Variants in KIF14 observed in about 807,000 individuals in gnomAD.
The protein encoded by KIF14 is kinesin family member 14, also known as kinesin-like protein KIF14.
In KIF14, 98 loss-of-function variants were observed where a neutral mutation model predicts 176.2. The observed-to-expected ratio is 0.56, with a 90% CI of 0.47 to 0.66. The LOEUF (loss-of-function observed/expected upper bound fraction) is 0.66, where lower values mean the gene tolerates loss of function less well. KIF14 is among the 30% of genes least tolerant of loss of function. The pLI is 0.00. For missense variants in KIF14, 1,751 were observed against 1,920.4 expected (o/e 0.91, Z 1.65); for synonymous variants, 566 against 632.2 (o/e 0.90, Z 1.57).
chr1:200,591,610 G>A (rs1183524916), intron 16 of KIF14, among the ~76,000 whole-genome samples: 1 of 152,170 alleles, frequency 6.6e-6, no homozygotes, highest in Non-Finnish European at 1.5e-5. Flanking sequence ...GGCACAAGAA[G>A]AAAAGAAAAA....
chr1:200,566,786 G>A (rs1393512746), intron 23 of KIF14, among the ~76,000 whole-genome samples: 1 of 151,976 alleles, frequency 6.6e-6, no homozygotes, highest in Non-Finnish European at 1.5e-5. Flanking sequence ...TTTCCCTAAA[G>A]AACTGTAATT....
chr1:200,580,371 TG>T lies in KIF14; in HGVS notation c.3347del (p.Ser1116Ter). ...TAGAAGTGTCAGAACTACTTTTATC[TG>T]ATATATCATGTCTGAAAGAAAAATA... ...TYYVFGRHDI[S>X]DKSSSDTSIR... On this transcript the variant is annotated frameshift_variant, in exon 21 of 30. Transcript: ENST00000367350. LOFTEE classifies it high-confidence loss of function. 6.7e-7 allele frequency: 1 copy of T among 1,488,918 alleles called. No homozygotes were observed. Among genetic ancestry groups the T allele is most frequent in the Non-Finnish European group, 9.0e-7 (1 of 1,114,760 alleles). 92.2% of individuals were successfully genotyped at this position (1,488,918 alleles called of 1,614,324 possible). A position where few individuals can be genotyped will look rare whatever the true frequency, so the allele number is the denominator to read the frequency against.
intron 26 of KIF14, among the ~76,000 whole-genome samples, chr1:200,560,190 C>T (rs1306400125): frequency 6.6e-6 from 1 of 152,212 alleles, no homozygotes; most frequent in Non-Finnish European, 1.5e-5. Flanking sequence ...CGGTGGATGA[C>T]TAGCATCAAA....
At chr1:200,580,485 A>G (rs1310792114) in intron 20 of KIF14, 102 bp from the exon 21 acceptor site, 2 of 556,468 alleles carry the variant, frequency 3.6e-6, no homozygotes, top group Non-Finnish European at 5.6e-6. Flanking sequence ...AATTCCATCC[A>G]CTGATTAAGT....
At chr1:200,579,182 G>A (rs965504834) in intron 21 of KIF14, among the ~76,000 whole-genome samples, 1 of 152,126 alleles carries the variant, frequency 6.6e-6, no homozygotes, top group Admixed American at 6.5e-5. Flanking sequence ...AGTTATTACA[G>A]TACAGGTTGC....
chr1:200,606,778 AG>A lies in KIF14; in HGVS notation c.1574del (p.Pro525LeufsTer12). The A allele has an allele frequency of 6.2e-7, 1 of 1,613,572 alleles. No homozygotes were observed. The highest frequency in any genetic ancestry group is 1.3e-5 in the African/African-American group (1 of 75,044). ...RKQPLRVREH[P>X]VYGPYVEALS... The stretch of plus-strand genomic sequence containing the variant: ...GTGCTTCAACATATGGTCCATAAAC[AG>A]GATGTTCCCTCACTCTCAGCTAGAA... On this transcript the variant is annotated frameshift_variant, in exon 6 of 30. Coordinates refer to ENST00000367350, the MANE Select transcript of KIF14 (RefSeq NM_014875.3). LOFTEE classifies it high-confidence loss of function.
At chr1:200,590,534 T>G (rs189418493) in intron 16 of KIF14, among the ~76,000 whole-genome samples, 99 of 152,308 alleles carry the variant, frequency 6.5e-4, no homozygotes, top group Non-Finnish European at 9.0e-4. Flanking sequence ...ATAAAATCAG[T>G]GCTTTAGTAA....
At chr1:200,586,284 A>G in intron 18 of KIF14, 57 bp from the exon 19 acceptor site, 10 of 1,394,810 alleles carry the variant, frequency 7.2e-6, no homozygotes, top group Non-Finnish European at 9.6e-6. Context: ...GAGAGAAACT[A>G]TAACACCACA....
intron 29 of KIF14, 141 bp from the exon 30 acceptor site, chr1:200,553,908 A>AATCTT: frequency 1.3e-6 from 1 of 794,474 alleles, no homozygotes; most frequent in Non-Finnish European, 1.9e-6. Flanking sequence ...TTAGTCAACT[A>AATCTT]AAGTGTTTAT....
Position 200,618,314 on chromosome 1 carries a change from T to G in KIF14, c.410A>C (p.Glu137Ala). ...CAGTGTCATTTTGACAGAATCTATTTCAGCTGTTTTCCACTTTTCTGCAGA... is the reference window on the plus strand; with the variant it reads ...CAGTGTCATTTTGACAGAATCTATTGCAGCTGTTTTCCACTTTTCTGCAGA... ...TDSAEKWKTAEIDSVKMTLNV... is the reference protein window; with the variant it reads ...TDSAEKWKTAAIDSVKMTLNV... The change falls in exon 2 of 30, where the codon GAA becomes GCA. Residue 137 changes from glutamate (E) to alanine (A), a missense_variant. Glu to Ala is a moderately radical substitution (Grantham distance 107, BLOSUM62 -1). Transcript: ENST00000367350. The G allele has an allele frequency of 6.2e-7, 1 of 1,613,922 alleles. No individual in the cohort carries two copies.
At chr1:200,557,321 C>T (rs1393657477) in intron 27 of KIF14, among the ~76,000 whole-genome samples, 1 of 151,776 alleles carries the variant, frequency 6.6e-6, no homozygotes, top group Non-Finnish European at 1.5e-5. Context: ...TTTTTTAAAA[C>T]AAAAAAACAC....
At chr1:200,575,081 C>G (rs180771641) in intron 22 of KIF14, among the ~76,000 whole-genome samples, 1 of 151,620 alleles carries the variant, frequency 6.6e-6, no homozygotes, top group Non-Finnish European at 1.5e-5. Context: ...CTAAGCCTCC[C>G]GAGTAGCTGG....
intron 26 of KIF14, 39 bp from the exon 27 acceptor site, chr1:200,559,491 T>G (rs767880946): frequency 8.1e-7 from 1 of 1,229,170 alleles, no homozygotes; most frequent in South Asian, 2.0e-5. Flanking sequence ...AAAATTTAGG[T>G]TTTATGTATT....
intron 19 of KIF14, among the ~76,000 whole-genome samples, chr1:200,585,782 G>A (rs1041977718): frequency 6.6e-6 from 1 of 152,086 alleles, no homozygotes; most frequent in South Asian, 2.1e-4. Context: ...TTCTATCTAT[G>A]AGGGCTCTAC....
intron 5 of KIF14, among the ~76,000 whole-genome samples, chr1:200,608,514 C>T (rs868633789): frequency 1.3e-5 from 2 of 151,966 alleles, no homozygotes; most frequent in Admixed American, 6.6e-5. Flanking sequence ...AGGTGCAATC[C>T]GCCACACCCG....
rs1660520250 is a variant in KIF14, at chr1:200,618,396, T to C, written c.328A>G (p.Thr110Ala). 1 of 1,614,098 alleles carries C rather than the reference T, an allele frequency of 6.2e-7. No individual in the cohort carries two copies. The highest frequency in any genetic ancestry group is 1.3e-5 in the African/African-American group (1 of 74,956). ...CGTGTTTCTGCTGTTTTTTCAGTTG[T>C]GTCTTCCAACTCACTAACAAGCAAA... ...SSLLVSELED[T>A]TEKTAETRLT... Residue 110 changes from threonine (T) to alanine (A), a missense_variant, in exon 2 of 30, where the codon ACA becomes GCA. Thr to Ala is a moderately conservative substitution (Grantham distance 58). Transcript: ENST00000367350.
At chr1:200,604,008 T>C (rs1393001019) in intron 8 of KIF14, 53 bp from the exon 9 acceptor site, 24 of 1,074,004 alleles carry the variant, frequency 2.2e-5, no homozygotes, top group African/African-American at 1.6e-4. Flanking sequence ...CCAATCAATA[T>C]AGGTTTTTTT....
chr1:200,564,693 T>C (rs564789508), intron 25 of KIF14, among the ~76,000 whole-genome samples: 1 of 152,328 alleles, frequency 6.6e-6, no homozygotes, highest in Admixed American at 6.5e-5. Context: ...GAGCATGAAC[T>C]GGGCCCAAGA....
chr1:200,563,091 G>A (rs1297310117), intron 25 of KIF14, among the ~76,000 whole-genome samples: 1 of 152,154 alleles, frequency 6.6e-6, no homozygotes. Context: ...CCTCCTGAGG[G>A]AGAACAACGG....
Sources: gnomAD v4.1 joint callset for allele counts (sites outside exome capture counted in the v4.1 genomes callset) on GRCh38, gnomAD v4.1.1 for gene constraint, MANE v1.5 for transcripts, NCBI Gene and HGNC (gene_info 2026-07-23, HGNC 2026-07-21) for gene names.